The following ZNF8 variants were observed in gnomAD, a reference collection of about 807,000 sequenced individuals.
ZNF8 encodes the protein zinc finger protein 272.
In ZNF8, 9 loss-of-function variants were observed where a neutral mutation model predicts 12.2. The observed-to-expected ratio is 0.73, with a 90% CI of 0.44 to 1.28. The LOEUF (loss-of-function observed/expected upper bound fraction) is 1.28, where lower values mean the gene tolerates loss of function less well. Ranked by LOEUF, ZNF8 falls within the 50% of genes most tolerant of loss-of-function variation. ZNF8 has a pLI of 0.00. For synonymous variants in ZNF8, 274 were observed against 282.3 expected, an observed-to-expected ratio of 0.97 and a Z score of 0.30; for missense variants, 664 against 729.1, an observed-to-expected ratio of 0.91 and a Z score of 1.03.
chr19:58,295,120 G>C lies in ZNF8; in HGVS notation c.1312G>C (p.Ala438Pro). 2 of 1,613,958 alleles carry C rather than the reference G, an allele frequency of 1.2e-6. No individual in the cohort carries two copies. Among genetic ancestry groups the C allele is most frequent in the Non-Finnish European group, 1.7e-6 (2 of 1,180,044 alleles). The change falls in exon 4 of 4, where the codon GCT (alanine) becomes CCT (proline). Residue 438 changes from alanine to proline, a missense_variant. Physicochemically the swap from Ala to Pro is conservative, Grantham distance 27 (BLOSUM62 -1). This residue lies in a region of ZNF8 where 225 missense variants were observed against 222.0 expected (regional missense o/e 1.01). Coordinates refer to ENST00000621650, the MANE Select transcript of ZNF8 (RefSeq NM_021089.3). Reference protein sequence around the residue: ...RQRLIFEQTPALTKHEWTEAL... With the variant: ...RQRLIFEQTPPLTKHEWTEAL... ...GAGGCTGATCTTTGAGCAGACGCCA[G>C]CTCTCACAAAGCATGAATGGACAGA...
intron 1 of ZNF8, chr19:58,279,418 G>T: frequency 6.9e-7 from 1 of 1,446,204 alleles, no homozygotes; most frequent in Non-Finnish European, 9.1e-7. Flanking sequence ...CGAGAGAATC[G>T]AGCAGGCCCA....
chr19:58,284,574 C>T (rs1316007533), intron 1 of ZNF8, among the ~76,000 whole-genome samples: 5 of 152,198 alleles, frequency 3.3e-5, no homozygotes, highest in Non-Finnish European at 5.9e-5. Context: ...AAAGGCCAGG[C>T]GCGGCGGCTC....
chr19:58,292,405 G>C (rs7258422), intron 3 of ZNF8, among the ~76,000 whole-genome samples: 3,116 of 152,298 alleles, frequency 0.02, 88 homozygotes, highest in African/African-American at 0.061. Flanking sequence ...ATGGCAGAGA[G>C]AGGAAGCAAG....
At chr19:58,280,159 C>T (rs1027031752) in intron 1 of ZNF8, 1 of 310,032 alleles carries the variant, frequency 3.2e-6, no homozygotes, top group Non-Finnish European at 6.3e-6. Flanking sequence ...CGAGTTCTGA[C>T]AGGAGTAATG....
intron 3 of ZNF8, among the ~76,000 whole-genome samples, chr19:58,293,647 G>A (rs2051434463): frequency 6.6e-6 from 1 of 152,208 alleles, no homozygotes; most frequent in Admixed American, 6.5e-5. Context: ...AAGCAGAGGT[G>A]AGTGAGAGAG....
chr19:58,281,164 C>T (rs1236464466), intron 1 of ZNF8, among the ~76,000 whole-genome samples: 1 of 152,096 alleles, frequency 6.6e-6, no homozygotes, highest in African/African-American at 2.4e-5. Flanking sequence ...GAGCCATTCA[C>T]GTGTTTTAAG....
In ZNF8 at chr19:58,294,371, C is replaced by T; in HGVS notation, c.563C>T (p.Pro188Leu). The change falls in exon 4 of 4, where the codon CCA becomes CTA. Residue 188 changes from proline (P) to leucine (L), a missense_variant. Physicochemically the swap from Pro to Leu is moderately conservative, Grantham distance 98 (BLOSUM62 -3). This residue lies in a region of ZNF8 where 306 missense variants were observed against 308.7 expected (regional missense o/e 0.99). Coordinates refer to ENST00000621650, the MANE Select transcript of ZNF8 (RefSeq NM_021089.3). This position sits in a 1 kb window ranked among gnomAD's most constrained non-coding sequence, Gnocchi z 5.5. ...GAAAACTGCGTCCTGAGTTCAAGCC[C>T]AAATCCATTCCCAGAGATCTCTAGA... ...LRENCVLSSS[P>L]NPFPEISRGE... The T allele has an allele frequency of 1.2e-6, 2 of 1,614,114 alleles. No homozygotes were observed. The highest frequency in any genetic ancestry group is 1.7e-6 in the Non-Finnish European group (2 of 1,180,024).
chr19:58,291,996 C>G lies in ZNF8; in HGVS notation c.290-2102C>G, dbSNP rs150671739. Reference sequence around the variant, plus strand: ...GGTGGAGAAGGGCACAGGGTCGTGTCCATCCTCAGAAGTGACTGCAGAGTG... The same window carrying G: ...GGTGGAGAAGGGCACAGGGTCGTGTGCATCCTCAGAAGTGACTGCAGAGTG... On this transcript the variant is annotated intron_variant, in intron 3 of 3. Transcript: ENST00000621650. 2.4e-3 allele frequency among the ~76,000 whole-genome samples: 360 copies of G among 152,164 alleles called. 4 individuals are homozygous for G. The highest frequency in any genetic ancestry group is 8.2e-3 in the African/African-American group (340 of 41,512).
In ZNF8 at chr19:58,300,723, C is replaced by T. The variant is rs1296229984; in HGVS notation, c.*5187C>T. The T allele has an allele frequency of 6.6e-6, 1 of 152,078 alleles. No individual in the cohort carries two copies. The highest frequency in any genetic ancestry group is 1.5e-5 in the Non-Finnish European group (1 of 68,062). 9.4% of individuals were successfully genotyped at this position (152,078 alleles called of 1,614,324 possible). A position where few individuals can be genotyped will look rare whatever the true frequency, so the allele number is the denominator to read the frequency against. On this transcript the variant is annotated 3_prime_UTR_variant, in exon 4 of 4. Transcript: ENST00000621650. ...GCTAGCCGTATCTGCTGCTTTTCTCCTTCAAGCTCTTGGGAGAATCGCTTG... is the reference window on the plus strand; with the variant it reads ...GCTAGCCGTATCTGCTGCTTTTCTCTTTCAAGCTCTTGGGAGAATCGCTTG...
In ZNF8 at chr19:58,295,793, G is replaced by T; in HGVS notation, c.*257G>T. On this transcript the variant is annotated 3_prime_UTR_variant, in exon 4 of 4. Transcript: ENST00000621650. The stretch of plus-strand genomic sequence containing the variant: ...CACAGGTAATATAACCTACCCACCT[G>T]TGTAATGTCAAAAAAAATCAATATG... 2.4e-6 allele frequency: 1 copy of T among 410,638 alleles called. No individual in the cohort carries two copies. Among genetic ancestry groups the T allele is most frequent in the South Asian group, 5.9e-5 (1 of 16,826 alleles). 25.4% of individuals were successfully genotyped at this position (410,638 alleles called of 1,614,324 possible).
rs1052651372 is a variant in ZNF8, at chr19:58,281,281, G to A, written c.66+2134G>A. Among the ~76,000 whole-genome samples, 5 of 152,274 alleles carry A rather than the reference G, an allele frequency of 3.3e-5. No individual in the cohort carries two copies. In the South Asian group the frequency reaches 1.0e-3, roughly 32 times the overall value. On this transcript the variant is annotated intron_variant, in intron 1 of 3. Transcript: ENST00000621650. ...AGTGGGAAAAAGAGAGGAGTGGTTA[G>A]GCCCAGTGACCAGGTGTTGGCTGAT...
Position 58,295,712 on chromosome 19 carries a change from G to T in ZNF8, c.*176G>T, listed in dbSNP as rs148373615. The T allele has an allele frequency of 3.4e-6, 2 of 590,394 alleles. No individual in the cohort carries two copies. Among genetic ancestry groups the T allele is most frequent in the Admixed American group, 6.6e-5 (2 of 30,306 alleles). The allele number at this position is 590,394 out of a possible 1,614,324, so 36.6% of individuals were successfully genotyped here. A position where few individuals can be genotyped will look rare whatever the true frequency, so the allele number is the denominator to read the frequency against. Reference sequence around the variant, plus strand: ...GTTGGTCCCAAATCTATCAAACTCAGTGCCCTCTTTAGCGACATATTTTGT... The same window carrying T: ...GTTGGTCCCAAATCTATCAAACTCATTGCCCTCTTTAGCGACATATTTTGT... On this transcript the variant is annotated 3_prime_UTR_variant, in exon 4 of 4. Transcript: ENST00000621650.
intron 3 of ZNF8, among the ~76,000 whole-genome samples, chr19:58,287,999 T>C (rs1244476400): frequency 7.0e-6 from 1 of 142,314 alleles, no homozygotes. Context: ...CCACTATGCC[T>C]GACTTTTTGT....
intron 1 of ZNF8, 129 bp downstream of exon 1, chr19:58,279,276 A>G: frequency 6.6e-7 from 1 of 1,521,952 alleles, no homozygotes; most frequent in Non-Finnish European, 8.8e-7. Flanking sequence ...GGGGAAACTC[A>G]GACGCGGGTC....
At chr19:58,279,186 G>A (rs1253126934) in intron 1 of ZNF8, 39 bp downstream of exon 1, 39 of 1,543,646 alleles carry the variant, frequency 2.5e-5, no homozygotes, top group Non-Finnish European at 3.2e-5. Context: ...CGGGCTCCGG[G>A]CAAGCGTCTC....
chr19:58,283,422 G>A (rs549810135), intron 1 of ZNF8, among the ~76,000 whole-genome samples: 23 of 152,072 alleles, frequency 1.5e-4, no homozygotes, highest in African/African-American at 4.3e-4. Context: ...TATCAGGATT[G>A]GACTCCCTTG....
rs762872069 is a variant in ZNF8 at position 58,294,396 on chromosome 19, A to AG, written c.592dup (p.Glu198GlyfsTer16). 6.2e-7 allele frequency: 1 copy of AG among 1,614,052 alleles called. No individual in the cohort carries two copies. The highest frequency in any genetic ancestry group is 8.5e-7 in the Non-Finnish European group (1 of 1,180,022). ...CAAATCCATTCCCAGAGATCTCTAGAGGGGAGTATTTGTATACTTACGACT... is the reference window on the plus strand; with the variant it reads ...CAAATCCATTCCCAGAGATCTCTAGAGGGGGAGTATTTGTATACTTACGACT... On this transcript the variant is annotated frameshift_variant, in exon 4 of 4. Coordinates refer to ENST00000621650, the MANE Select transcript of ZNF8 (RefSeq NM_021089.3). LOFTEE classifies it low-confidence loss of function (END_TRUNC). This position sits in a 1 kb window ranked among gnomAD's most constrained non-coding sequence, Gnocchi z 5.5.
chr19:58,297,783 C>T lies in ZNF8; in HGVS notation c.*2247C>T, dbSNP rs2051464842. The T allele has an allele frequency of 6.6e-6, 1 of 152,244 alleles. No individual in the cohort carries two copies. Among genetic ancestry groups the T allele is most frequent in the African/African-American group, 2.4e-5 (1 of 41,460 alleles). The allele number at this position is 152,244 out of a possible 1,614,324, so 9.4% of individuals were successfully genotyped here. A position where few individuals can be genotyped will look rare whatever the true frequency, so the allele number is the denominator to read the frequency against. Reference sequence around the variant, plus strand: ...TACTCCCATCTACCTCCCCACCATTCTCCTTCCCTGGATATATATATAACC... The same window carrying T: ...TACTCCCATCTACCTCCCCACCATTTTCCTTCCCTGGATATATATATAACC... On this transcript the variant is annotated 3_prime_UTR_variant, in exon 4 of 4. Coordinates refer to ENST00000621650, the MANE Select transcript of ZNF8 (RefSeq NM_021089.3).
intron 1 of ZNF8, among the ~76,000 whole-genome samples, chr19:58,282,329 G>A (rs776786438): frequency 1.3e-4 from 19 of 151,946 alleles, no homozygotes; most frequent in Non-Finnish European, 2.5e-4. Context: ...TATTTTAACT[G>A]GGTTGTCTTT....
Sources: gnomAD v4.1 joint callset for allele counts (sites outside exome capture counted in the v4.1 genomes callset) on GRCh38, gnomAD v4.1.1 for gene constraint, gnomAD v4.1.1 regional missense constraint, Gnocchi (gnomAD v3.1) non-coding constraint, MANE v1.5 for transcripts, NCBI Gene and HGNC (gene_info 2026-07-23, HGNC 2026-07-21) for gene names.